Variants in XPO6 observed in about 807,000 individuals in gnomAD.
The protein encoded by XPO6 is exportin 6, also known as exportin-6.
XPO6 carries 3 observed loss-of-function variants against 130.0 expected under a neutral mutation model. The ratio of observed to expected loss-of-function variants is 0.02; its 90% confidence interval spans 0.01 to 0.06. XPO6 has a LOEUF of 0.06. Ranked by LOEUF, XPO6 falls within the 10% of genes least tolerant of loss-of-function variation. XPO6 has a pLI of 1.00. For synonymous variants in XPO6, 524 were observed against 548.9 expected (o/e 0.95, Z 0.63); for missense variants, 970 against 1,393.0 (o/e 0.70, Z 4.83).
intron 21 of XPO6, among the ~76,000 whole-genome samples, chr16:28,103,285 A>T (rs2086692193): frequency 6.6e-6 from 1 of 152,214 alleles, no homozygotes; most frequent in Non-Finnish European, 1.5e-5. Flanking sequence ...GACAGAATGC[A>T]TGTGAAACTC....
intron 7 of XPO6, chr16:28,154,086 G>A (rs2043141631): frequency 1.0e-6 from 1 of 985,096 alleles, no homozygotes; most frequent in Admixed American, 6.2e-5. Context: ...TTTAGAGACA[G>A]GAACATACAA....
intron 13 of XPO6, among the ~76,000 whole-genome samples, chr16:28,125,298 T>A (rs2141272466): frequency 6.6e-6 from 1 of 152,376 alleles, no homozygotes; most frequent in Non-Finnish European, 1.5e-5. Context: ...AATATCTCTT[T>A]ATCCTATGAG....
chr16:28,105,869 A>G, intron 20 of XPO6, 174 bp downstream of exon 20: 2 of 928,324 alleles, frequency 2.2e-6, no homozygotes, highest in Non-Finnish European at 3.2e-6. Context: ...AACTCAATCA[A>G]TATAAAAACA....
intron 2 of XPO6, among the ~76,000 whole-genome samples, chr16:28,178,899 A>G (rs1596940867): frequency 6.6e-6 from 1 of 151,922 alleles, no homozygotes; most frequent in Admixed American, 6.6e-5. Context: ...AAACCCCGTC[A>G]CTACTAAAAA....
chr16:28,205,329 T>A (rs893774825), intron 1 of XPO6, among the ~76,000 whole-genome samples: 1 of 152,272 alleles, frequency 6.6e-6, no homozygotes, highest in African/African-American at 2.4e-5. Flanking sequence ...TTTTCTATTA[T>A]CTTTGTTGCT....
chr16:28,123,633 A>G (rs1296315565), intron 13 of XPO6, among the ~76,000 whole-genome samples: 1 of 152,232 alleles, frequency 6.6e-6, no homozygotes, highest in Non-Finnish European at 1.5e-5. Flanking sequence ...ACTTCCGGTC[A>G]GTCAAGAAAG....
At position 28,171,700 on chromosome 16, in the gene XPO6, A is replaced by T. The variant is rs2043452770; in HGVS notation, c.406-1791T>A. Among the ~76,000 whole-genome samples, 4 of 152,180 alleles carry T rather than the reference A, an allele frequency of 2.6e-5. No homozygotes were observed. The South Asian group carries it at 8.3e-4, about 31-fold the overall frequency. On this transcript the variant is annotated intron_variant, in intron 4 of 23. Coordinates refer to ENST00000304658, the MANE Select transcript of XPO6 (RefSeq NM_015171.4). ...TCTCTTGAACACTAAAACTTTGTAT[A>T]TTCTCCACAATTTTTATCTTCGTTT...
At chr16:28,202,059 C>T (rs546165058) in intron 1 of XPO6, among the ~76,000 whole-genome samples, 33 of 152,172 alleles carry the variant, frequency 2.2e-4, no homozygotes, top group South Asian at 1.0e-3. Flanking sequence ...AAGAAAAGGG[C>T]GCTAGAGCAG....
intron 14 of XPO6, among the ~76,000 whole-genome samples, chr16:28,120,207 G>T (rs2087197974): frequency 6.6e-6 from 1 of 152,038 alleles, no homozygotes; most frequent in African/African-American, 2.4e-5. Context: ...TCATCATCAT[G>T]TATTGTGTGC....
In XPO6 at chr16:28,132,346, T is replaced by C. The variant is rs780940749; in HGVS notation, c.1594A>G (p.Thr532Ala). 2 of 1,607,392 alleles carry C rather than the reference T, an allele frequency of 1.2e-6. No homozygotes were observed. Among genetic ancestry groups the C allele is most frequent in the South Asian group, 1.1e-5 (1 of 89,626 alleles). ...VYLGLQQFIV[T>A]SGSGHRLNIT... ...AAAACCAGTTTACCTGACCCTGAAG[T>C]GACTATAAACTGTTGTAATCCCAAA... Residue 532 changes from threonine to alanine, a missense_variant, in exon 12 of 24, where the codon ACT becomes GCT. Thr to Ala is a moderately conservative substitution (Grantham distance 58). Around this residue, in one of 4 missense-constraint regions of XPO6, gnomAD observed 936 missense variants for 1,306.8 expected, o/e 0.72. Coordinates refer to ENST00000304658, the MANE Select transcript of XPO6 (RefSeq NM_015171.4). This position sits in a 1 kb window ranked among gnomAD's most constrained non-coding sequence, Gnocchi z 4.0.
intron 9 of XPO6, 59 bp downstream of exon 9, chr16:28,146,035 G>A: frequency 7.4e-7 from 1 of 1,344,886 alleles, no homozygotes; most frequent in South Asian, 1.2e-5. Flanking sequence ...CTGTCTCTTA[G>A]GCCACTAGAA....
At position 28,121,896 on chromosome 16, in the gene XPO6, T is replaced by C. The variant is rs537203775; in HGVS notation, c.1767-134A>G. On this transcript the variant is annotated intron_variant, in intron 13 of 23. Coordinates refer to ENST00000304658, the MANE Select transcript of XPO6 (RefSeq NM_015171.4). ...ACAAAAAAGAATCAAGACCAGACTT[T>C]CAATTTTATGCCAAGGAAATAATCT... The C allele has an allele frequency of 5.4e-5, 33 of 616,218 alleles. No individual in the cohort carries two copies. The African/African-American group carries it at 6.0e-4, about 11-fold the overall frequency. 38.2% of individuals were successfully genotyped at this position (616,218 alleles called of 1,614,324 possible).
At chr16:28,114,767 C>T (rs773530124) in intron 15 of XPO6, among the ~76,000 whole-genome samples, 2 of 152,180 alleles carry the variant, frequency 1.3e-5, no homozygotes, top group Non-Finnish European at 2.9e-5. Flanking sequence ...CTGGAGCATG[C>T]GGTGCCGTTT....
At chr16:28,110,159 A>T (rs1016540960) in intron 17 of XPO6, among the ~76,000 whole-genome samples, 2 of 152,244 alleles carry the variant, frequency 1.3e-5, no homozygotes, top group East Asian at 3.8e-4. Flanking sequence ...AGGGTTACAC[A>T]GGAAGTTACA....
At chr16:28,208,812 T>C (rs1255928855) in intron 1 of XPO6, among the ~76,000 whole-genome samples, 4 of 152,230 alleles carry the variant, frequency 2.6e-5, no homozygotes, top group Non-Finnish European at 5.9e-5. Flanking sequence ...AATGTGTGTC[T>C]TGTTCATCTG....
intron 14 of XPO6, 141 bp downstream of exon 14, chr16:28,121,529 T>C: frequency 1.4e-6 from 1 of 707,472 alleles, no homozygotes; most frequent in Non-Finnish European, 2.5e-6. Flanking sequence ...AAAAAATCTC[T>C]CTCTCTTTCT....
intron 7 of XPO6, chr16:28,154,388 C>G: frequency 1.4e-6 from 1 of 726,200 alleles, no homozygotes; most frequent in Non-Finnish European, 1.7e-6. Context: ...TTTTATTTCA[C>G]CTCATTTTCT....
chr16:28,162,007 T>C (rs987207509), intron 6 of XPO6, among the ~76,000 whole-genome samples: 2 of 152,196 alleles, frequency 1.3e-5, no homozygotes, highest in African/African-American at 2.4e-5. Context: ...ATATGTAAAA[T>C]AATAGCATGT....
rs1596780810 is a variant in XPO6, at chr16:28,106,164, A to C, written c.2663T>G (p.Val888Gly). The C allele has an allele frequency of 6.2e-7, 1 of 1,613,986 alleles. No homozygotes were observed. Among genetic ancestry groups the C allele is most frequent in the Non-Finnish European group, 8.5e-7 (1 of 1,180,008 alleles). Reference protein sequence around the residue: ...ILHEGSTGCRVVEKFLKILQV... With the variant: ...ILHEGSTGCRGVEKFLKILQV... Reference sequence around the variant, plus strand: ...CAGGATCTTCAGAAACTTCTCCACCACCCGGCAGCCTGTGCTGCCCTCGTG... The same window carrying C: ...CAGGATCTTCAGAAACTTCTCCACCCCCCGGCAGCCTGTGCTGCCCTCGTG... The change falls in exon 20 of 24, where the codon GTG becomes GGG. Residue 888 changes from valine to glycine, a missense_variant. Physicochemically the swap from Val to Gly is moderately radical, Grantham distance 109. This residue lies in a region of XPO6 where 936 missense variants were observed against 1,306.8 expected (regional missense o/e 0.72). Transcript: ENST00000304658. The surrounding 1 kb of genome is among the most constrained non-coding windows in gnomAD (Gnocchi z 4.2).
Sources: gnomAD v4.1 joint callset for allele counts (sites outside exome capture counted in the v4.1 genomes callset) on GRCh38, gnomAD v4.1.1 for gene constraint, gnomAD v4.1.1 regional missense constraint, Gnocchi (gnomAD v3.1) non-coding constraint, MANE v1.5 for transcripts, NCBI Gene and HGNC (gene_info 2026-07-23, HGNC 2026-07-21) for gene names.